ANK2: variants seen among roughly 807,000 people sequenced by gnomAD.
The protein encoded by ANK2 is ankyrin 2.
Under a neutral mutation model 360.5 loss-of-function variants are expected in ANK2, and 83 were observed. That is an observed-to-expected ratio of 0.23 (90% CI 0.19 to 0.28). The LOEUF (loss-of-function observed/expected upper bound fraction) is 0.28. Among genes scored for constraint, ANK2 ranks in the 10% least tolerant of loss-of-function variants. The pLI, the probability that ANK2 is intolerant of heterozygous loss-of-function variation, is 1.00. For missense variants in ANK2, 4,201 were observed against 4,795.7 expected (o/e 0.88, Z 3.66); for synonymous variants, 1,740 against 1,759.5 (o/e 0.99, Z 0.28).
At chr4:112,888,916 A>G (rs1446115494) in intron 1 of ANK2, among the ~76,000 whole-genome samples, 1 of 152,338 alleles carries the variant, frequency 6.6e-6, no homozygotes, top group South Asian at 2.1e-4. Flanking sequence ...CCGAGTACAC[A>G]GAACCTTGTT....
intron 2 of ANK2, among the ~76,000 whole-genome samples, chr4:113,002,390 T>G (rs1336824637): frequency 6.6e-6 from 1 of 152,198 alleles, no homozygotes; most frequent in Non-Finnish European, 1.5e-5. Context: ...CCATAAAAAA[T>G]GATGAGTTCA....
chr4:112,729,451 G>T, the ANK2 span, among the ~76,000 whole-genome samples: 1 of 152,064 alleles, frequency 6.6e-6, no homozygotes, highest in Non-Finnish European at 1.5e-5. Flanking sequence ...TCCATCAGTG[G>T]ATGATTAGAT....
intron 1 of ANK2, among the ~76,000 whole-genome samples, chr4:112,821,545 C>G (rs1274387426): frequency 6.6e-6 from 1 of 150,638 alleles, no homozygotes; most frequent in Non-Finnish European, 1.5e-5. Context: ...AGTCTGTCAC[C>G]CAGGCTGGAG....
At chr4:113,288,585 T>G in intron 20 of ANK2, 99 bp downstream of exon 20, 1 of 997,558 alleles carries the variant, frequency 1.0e-6, no homozygotes, top group East Asian at 2.5e-5. Context: ...ATTTTTTTCT[T>G]CCTTTTTAGT....
intron 2 of ANK2, among the ~76,000 whole-genome samples, chr4:112,967,789 GT>G (rs2037898248): frequency 6.6e-6 from 1 of 152,130 alleles, no homozygotes; most frequent in South Asian, 2.1e-4. Context: ...GTTAGTGTGG[GT>G]GGCAGAAACA....
chr4:113,259,849 C>T (rs1378329718), intron 13 of ANK2, among the ~76,000 whole-genome samples: 4 of 140,590 alleles, frequency 2.8e-5, no homozygotes, highest in South Asian at 2.3e-4. Flanking sequence ...AACAGATTTA[C>T]GTACAGGCCA....
At chr4:113,338,839 G>A (rs57906331) in intron 31 of ANK2, among the ~76,000 whole-genome samples, 115 of 152,078 alleles carry the variant, frequency 7.6e-4, no homozygotes, top group African/African-American at 2.4e-3. Context: ...ATGAGTCACC[G>A]CGCCCGGCCG....
At chr4:112,719,624 A>C in the ANK2 span, among the ~76,000 whole-genome samples, 4 of 150,732 alleles carry the variant, frequency 2.7e-5, no homozygotes, top group African/African-American at 9.8e-5. Flanking sequence ...GCTACTCGGG[A>C]GGCTGAGGCA....
intron 2 of ANK2, among the ~76,000 whole-genome samples, chr4:112,914,259 T>C (rs1324353325): frequency 6.6e-6 from 1 of 152,238 alleles, no homozygotes; most frequent in Non-Finnish European, 1.5e-5. Context: ...TTTGTGTTAC[T>C]GTTATTATAT....
In ANK2 at chr4:113,358,317, A is replaced by G; in HGVS notation, c.9699A>G (p.Ile3233Met). 1 of 1,612,990 alleles carries G rather than the reference A, an allele frequency of 6.2e-7. No individual in the cohort carries two copies. Among genetic ancestry groups the G allele is most frequent in the Non-Finnish European group, 8.5e-7 (1 of 1,179,346 alleles). Residue 3233 changes from isoleucine (I) to methionine (M), a missense_variant, in exon 38 of 46, where the codon ATA (isoleucine) becomes ATG (methionine). By Grantham distance (10) the Ile-to-Met change is conservative. Around this residue, in one of 4 missense-constraint regions of ANK2, gnomAD observed 2,642 missense variants for 2,714.5 expected, o/e 0.97. Coordinates refer to ENST00000357077, the MANE Select transcript of ANK2 (RefSeq NM_001148.6). Reference sequence around the variant, plus strand: ...TCCCCACCGTGCAAACGGGTGATATACCTCCTCTCTCTGGTGTAAAGCAGA... The same window carrying G: ...TCCCCACCGTGCAAACGGGTGATATGCCTCCTCTCTCTGGTGTAAAGCAGA... ...KDLPTVQTGD[I>M]PPLSGVKQIS...
the ANK2 span, among the ~76,000 whole-genome samples, chr4:112,758,662 ACCT>A: frequency 6.6e-6 from 1 of 152,054 alleles, no homozygotes; most frequent in Admixed American, 6.5e-5. Context: ...TGATCTGCCC[ACCT>A]CAGCCTCCCA....
At chr4:112,840,798 A>T (rs2061925165) in intron 1 of ANK2, among the ~76,000 whole-genome samples, 1 of 152,196 alleles carries the variant, frequency 6.6e-6, no homozygotes, top group Non-Finnish European at 1.5e-5. Flanking sequence ...CAGAGAAGTT[A>T]AGTAATTTGC....
At chr4:113,365,502 G>T (rs1490771561) in intron 41 of ANK2, among the ~76,000 whole-genome samples, 1 of 151,908 alleles carries the variant, frequency 6.6e-6, no homozygotes, top group Non-Finnish European at 1.5e-5. Flanking sequence ...CGTATTTCTA[G>T]GCTCACAACT....
chr4:112,957,878 C>T (rs183904307), intron 2 of ANK2, among the ~76,000 whole-genome samples: 2,842 of 145,330 alleles, frequency 0.02, 74 homozygotes, highest in African/African-American at 0.062. Context: ...ACTTCTCAGA[C>T]GGGGCAGCCG....
At chr4:112,957,979 C>T (rs1344846774) in intron 2 of ANK2, among the ~76,000 whole-genome samples, 2 of 150,310 alleles carry the variant, frequency 1.3e-5, no homozygotes, top group Non-Finnish European at 1.5e-5. Context: ...AGAGGCGCTC[C>T]CCACGTCTCA....
At chr4:112,873,901 C>T (rs1028938811) in intron 1 of ANK2, among the ~76,000 whole-genome samples, 1 of 151,804 alleles carries the variant, frequency 6.6e-6, no homozygotes, top group Admixed American at 6.6e-5. Flanking sequence ...TGTATGATTT[C>T]ATTCCTTTTA....
intron 4 of ANK2, among the ~76,000 whole-genome samples, chr4:113,211,185 T>C (rs2099016997): frequency 6.6e-6 from 1 of 152,192 alleles, no homozygotes; most frequent in Admixed American, 6.5e-5. Flanking sequence ...CACAGACAAT[T>C]ATAATCTGCC....
chr4:113,291,982 A>G (rs1294202577), intron 20 of ANK2, among the ~76,000 whole-genome samples: 1 of 152,194 alleles, frequency 6.6e-6, no homozygotes, highest in Non-Finnish European at 1.5e-5. Flanking sequence ...AGTGGTTTAT[A>G]TGACCCTCTG....
chr4:113,291,807 T>A (rs530034022), intron 20 of ANK2, among the ~76,000 whole-genome samples: 7 of 152,342 alleles, frequency 4.6e-5, no homozygotes, highest in African/African-American at 1.4e-4. Context: ...CTCGCCCGAT[T>A]GTGGAGAAAT....
Sources: gnomAD v4.1 joint callset for allele counts (sites outside exome capture counted in the v4.1 genomes callset) on GRCh38, gnomAD v4.1.1 for gene constraint, gnomAD v4.1.1 regional missense constraint, MANE v1.5 for transcripts, NCBI Gene and HGNC (gene_info 2026-07-23, HGNC 2026-07-21) for gene names.